Variants in KIRREL3 observed in about 807,000 individuals in gnomAD.
KIRREL3 encodes the protein kirre like nephrin family adhesion molecule 3.
Under a neutral mutation model 89.7 loss-of-function variants are expected in KIRREL3, and 36 were observed. The observed-to-expected ratio is 0.40, with a 90% CI of 0.31 to 0.53. The LOEUF (loss-of-function observed/expected upper bound fraction) is 0.53. KIRREL3 is among the 20% of genes least tolerant of loss of function. KIRREL3 has a pLI of 0.49. For synonymous variants in KIRREL3, 445 were observed against 441.4 expected (o/e 1.01, Z -0.10); for missense variants, 864 against 1,056.6 (o/e 0.82, Z 2.53).
chr11:126,479,651 G>T (rs1957168720), intron 4 of KIRREL3, among the ~76,000 whole-genome samples: 1 of 152,230 alleles, frequency 6.6e-6, no homozygotes, highest in South Asian at 2.1e-4. Context: ...ATGAAGGGAA[G>T]GCTCACTGGA....
At position 126,791,428 on chromosome 11, in the gene KIRREL3, C is replaced by G. The variant is rs190484150; in HGVS notation, c.55+209027G>C. Among the ~76,000 whole-genome samples, 1,268 of 152,310 alleles carry G rather than the reference C, an allele frequency of 8.3e-3. 13 individuals are homozygous for G. The highest frequency in any genetic ancestry group is 0.029 in the African/African-American group (1,218 of 41,552). On this transcript the variant is annotated intron_variant, in intron 1 of 16. Transcript: ENST00000525144. The surrounding 1 kb of genome is among the most constrained non-coding windows in gnomAD (Gnocchi z 4.8). ...AGCTTCAGCTTGGCCTCAGCTTATG[C>G]GGAGTGAAAGCCCAGCCACTCCTGA...
At position 126,535,855 on chromosome 11, in the gene KIRREL3, C is replaced by T. The variant is rs187912021; in HGVS notation, c.134-9168G>A. ...CAAAAATTAGCGGGACATGGTGGTG[C>T]GTGCCTGTAATCCCAGCTACTCAGG... On this transcript the variant is annotated intron_variant, in intron 2 of 16. Transcript: ENST00000525144. The surrounding 1 kb of genome is among the most constrained non-coding windows in gnomAD (Gnocchi z 4.5). Among the ~76,000 whole-genome samples, 433 of 152,266 alleles carry T rather than the reference C, an allele frequency of 2.8e-3. 3 individuals are homozygous for T. The highest frequency in any genetic ancestry group is 9.5e-3 in the African/African-American group (393 of 41,552).
At position 126,455,043 on chromosome 11, in the gene KIRREL3, C is replaced by T. The variant is rs2134229271; in HGVS notation, c.848+1306G>A. Among the ~76,000 whole-genome samples the T allele has an allele frequency of 6.6e-6, 1 of 152,340 alleles. No homozygotes were observed. Among genetic ancestry groups the T allele is most frequent in the Non-Finnish European group, 1.5e-5 (1 of 68,032 alleles). On this transcript the variant is annotated intron_variant, in intron 7 of 16. Transcript: ENST00000525144. This position sits in a 1 kb window ranked among gnomAD's most constrained non-coding sequence, Gnocchi z 6.4. Reference sequence around the variant, plus strand: ...TTCCATTCTGCCCACGGGGGCCACACTGGCTCTTGTCTTCCCTGTTCTCCA... The same window carrying T: ...TTCCATTCTGCCCACGGGGGCCACATTGGCTCTTGTCTTCCCTGTTCTCCA...
rs1022805294 is a variant in KIRREL3 at position 126,495,739 on chromosome 11, C to T, written c.434-22273G>A. 9.8e-5 allele frequency among the ~76,000 whole-genome samples: 15 copies of T among 152,296 alleles called. No individual in the cohort carries two copies. Among genetic ancestry groups the T allele is most frequent in the African/African-American group, 3.6e-4 (15 of 41,552 alleles). ...TGCCCTCTCTGAGCCCATGTGGGCA[C>T]TCCCTGCCCTTCTCACCGCTCTCCT... On this transcript the variant is annotated intron_variant, in intron 4 of 16. Coordinates refer to ENST00000525144, the MANE Select transcript of KIRREL3 (RefSeq NM_032531.4). The surrounding 1 kb of genome is among the most constrained non-coding windows in gnomAD (Gnocchi z 6.5).
At chr11:126,618,745 T>C (rs1943458748) in intron 1 of KIRREL3, among the ~76,000 whole-genome samples, 1 of 152,224 alleles carries the variant, frequency 6.6e-6, no homozygotes, top group African/African-American at 2.4e-5. Flanking sequence ...TATTTCATTA[T>C]AGCAATGCGA....
chr11:126,425,301 G>A (rs1954898108), intron 16 of KIRREL3, among the ~76,000 whole-genome samples: 1 of 152,226 alleles, frequency 6.6e-6, no homozygotes, highest in African/African-American at 2.4e-5. Flanking sequence ...GGAAGCAGAG[G>A]CTCTTGACTG....
At position 126,975,408 on chromosome 11, in the gene KIRREL3, C is replaced by A. The variant is rs77377379; in HGVS notation, c.55+25047G>T. Among the ~76,000 whole-genome samples the A allele has an allele frequency of 3.8e-3, 573 of 152,266 alleles. 6 individuals carry two copies. Among genetic ancestry groups the A allele is most frequent in the African/African-American group, 0.013 (544 of 41,556 alleles). On this transcript the variant is annotated intron_variant, in intron 1 of 16. Coordinates refer to ENST00000525144, the MANE Select transcript of KIRREL3 (RefSeq NM_032531.4). ...CATTCTTGCAAGGTTCTTTCTCCTACCCCCCTGAAATTTCCTTAAATAAGT... is the reference window on the plus strand; with the variant it reads ...CATTCTTGCAAGGTTCTTTCTCCTAACCCCCTGAAATTTCCTTAAATAAGT...
At chr11:126,591,151 G>A (rs1020654668) in intron 1 of KIRREL3, among the ~76,000 whole-genome samples, 31 of 152,228 alleles carry the variant, frequency 2.0e-4, no homozygotes, top group Admixed American at 1.6e-3. Context: ...GCTTGAGCCC[G>A]GGTGGAGGAG....
Position 126,622,417 on chromosome 11 carries a change from G to A in KIRREL3, c.56-59505C>T, listed in dbSNP as rs1187017300. Among the ~76,000 whole-genome samples the A allele has an allele frequency of 2.0e-5, 3 of 152,214 alleles. No individual in the cohort carries two copies. The highest frequency in any genetic ancestry group is 2.9e-5 in the Non-Finnish European group (2 of 68,046). Reference sequence around the variant, plus strand: ...TCGGTTCTGGCTTGTGAGCCATGGTGCTACTGGTCCCTCTGGAGGAAGGGT... The same window carrying A: ...TCGGTTCTGGCTTGTGAGCCATGGTACTACTGGTCCCTCTGGAGGAAGGGT... On this transcript the variant is annotated intron_variant, in intron 1 of 16. Coordinates refer to ENST00000525144, the MANE Select transcript of KIRREL3 (RefSeq NM_032531.4). The surrounding 1 kb of genome is among the most constrained non-coding windows in gnomAD (Gnocchi z 5.2).
chr11:126,952,468 A>G (rs1254505708), intron 1 of KIRREL3, among the ~76,000 whole-genome samples: 3 of 151,910 alleles, frequency 2.0e-5, no homozygotes, highest in Non-Finnish European at 4.4e-5. Flanking sequence ...TTCTTTGTAG[A>G]TTCTAGATAT....
intron 1 of KIRREL3, among the ~76,000 whole-genome samples, chr11:126,956,034 T>G (rs1056227920): frequency 6.6e-6 from 1 of 152,068 alleles, no homozygotes; most frequent in Non-Finnish European, 1.5e-5. Flanking sequence ...GCTCTCAGGG[T>G]TGTTTTCTGT....
At chr11:126,790,736 G>A (rs573603508) in intron 1 of KIRREL3, among the ~76,000 whole-genome samples, 89 of 152,182 alleles carry the variant, frequency 5.8e-4, no homozygotes, top group African/African-American at 2.0e-3. Context: ...CGCAGACGTG[G>A]GAAGAGCCTT....
intron 1 of KIRREL3, among the ~76,000 whole-genome samples, chr11:126,671,323 C>T (rs1945937869): frequency 6.6e-6 from 1 of 151,648 alleles, no homozygotes; most frequent in Non-Finnish European, 1.5e-5. Flanking sequence ...CTGCCTCAGC[C>T]TCCTGAGTAG....
At chr11:126,798,339 C>T (rs1469094081) in intron 1 of KIRREL3, among the ~76,000 whole-genome samples, 1 of 147,172 alleles carries the variant, frequency 6.8e-6, no homozygotes, top group Non-Finnish European at 1.5e-5. Context: ...AACCTGCTGG[C>T]TGATGTTCAG....
In KIRREL3 at chr11:126,429,617, T is replaced by C. The variant is rs1277434628; in HGVS notation, c.1697-329A>G. Among the ~76,000 whole-genome samples the C allele has an allele frequency of 6.6e-6, 1 of 152,222 alleles. No individual in the cohort carries two copies. The highest frequency in any genetic ancestry group is 1.5e-5 in the Non-Finnish European group (1 of 68,048). ...TTCATCCTACTGAATTCTCACTTCC[T>C]TCTAGAAGTCTTCTCTGACCTGCTC... is the stretch of plus-strand genomic sequence containing the variant. On this transcript the variant is annotated intron_variant, in intron 14 of 16. Transcript: ENST00000525144. This position sits in a 1 kb window ranked among gnomAD's most constrained non-coding sequence, Gnocchi z 5.2.
rs1252958598 is a variant in KIRREL3, at chr11:126,455,880, C to G, written c.848+469G>C. ...ATCCGTGTTGTGAGCAAGAGACACACAGGGGCCATGAGTAAGTGTGATCCC... is the reference window on the plus strand; with the variant it reads ...ATCCGTGTTGTGAGCAAGAGACACAGAGGGGCCATGAGTAAGTGTGATCCC... On this transcript the variant is annotated intron_variant, in intron 7 of 16. Coordinates refer to ENST00000525144, the MANE Select transcript of KIRREL3 (RefSeq NM_032531.4). This position sits in a 1 kb window ranked among gnomAD's most constrained non-coding sequence, Gnocchi z 6.4. 1.3e-5 allele frequency among the ~76,000 whole-genome samples: 2 copies of G among 151,944 alleles called. No homozygotes were observed. Among genetic ancestry groups the G allele is most frequent in the African/African-American group, 4.8e-5 (2 of 41,382 alleles).
At chr11:126,665,767 G>T (rs971634688) in intron 1 of KIRREL3, among the ~76,000 whole-genome samples, 4 of 152,254 alleles carry the variant, frequency 2.6e-5, no homozygotes, top group African/African-American at 9.6e-5. Flanking sequence ...TTCAGCCCCA[G>T]TGGTGAAGAG....
intron 7 of KIRREL3, among the ~76,000 whole-genome samples, chr11:126,453,635 C>T (rs918894955): frequency 6.6e-6 from 1 of 152,170 alleles, no homozygotes; most frequent in Non-Finnish European, 1.5e-5. Flanking sequence ...AGGGGCTGAG[C>T]GAGTGTGGGT....
rs1238596550 is a variant in KIRREL3 at position 126,940,054 on chromosome 11, T to G, written c.55+60401A>C. Among the ~76,000 whole-genome samples the G allele has an allele frequency of 6.6e-6, 1 of 152,200 alleles. No homozygotes were observed. Among genetic ancestry groups the G allele is most frequent in the Non-Finnish European group, 1.5e-5 (1 of 68,042 alleles). On this transcript the variant is annotated intron_variant, in intron 1 of 16. Coordinates refer to ENST00000525144, the MANE Select transcript of KIRREL3 (RefSeq NM_032531.4). The surrounding 1 kb of genome is among the most constrained non-coding windows in gnomAD (Gnocchi z 4.6). Reference sequence around the variant, plus strand: ...TAGCTACAGGCTTTCCCAGAGCCCATCTCTGGGGATAAAATGGACTCATTT... The same window carrying G: ...TAGCTACAGGCTTTCCCAGAGCCCAGCTCTGGGGATAAAATGGACTCATTT...
Sources: gnomAD v4.1 joint callset for allele counts (sites outside exome capture counted in the v4.1 genomes callset) on GRCh38, gnomAD v4.1.1 for gene constraint, Gnocchi (gnomAD v3.1) non-coding constraint, MANE v1.5 for transcripts, NCBI Gene and HGNC (gene_info 2026-07-23, HGNC 2026-07-21) for gene names.